CLSTN2: variants seen among roughly 807,000 people sequenced by gnomAD.
The protein encoded by CLSTN2 is calsyntenin 2.
A neutral mutation model predicts 101.2 loss-of-function variants in CLSTN2; 48 were observed. The observed-to-expected ratio is 0.47, with a 90% confidence interval of 0.38 to 0.60. The LOEUF (loss-of-function observed/expected upper bound fraction) is 0.60, where lower values mean the gene tolerates loss of function less well. Among genes scored for constraint, CLSTN2 ranks in the 20% least tolerant of loss-of-function variants. The probability of loss-of-function intolerance (pLI) is 0.00; values close to 1 mark genes in which losing one functional copy is unlikely to be tolerated. For synonymous variants in CLSTN2, 481 were observed against 463.6 expected, an observed-to-expected ratio of 1.04 and a Z score of -0.48; for missense variants, 1,160 against 1,238.2, an observed-to-expected ratio of 0.94 and a Z score of 0.95.
intron 2 of CLSTN2, among the ~76,000 whole-genome samples, chr3:140,366,239 C>T (rs962436148): frequency 5.9e-5 from 9 of 152,206 alleles, no homozygotes; most frequent in Admixed American, 3.3e-4. Context: ...AGGATTCGTG[C>T]TGGAGAAACC....
intron 1 of CLSTN2, among the ~76,000 whole-genome samples, chr3:140,120,120 C>A (rs1489552617): frequency 6.6e-6 from 1 of 152,126 alleles, no homozygotes; most frequent in Non-Finnish European, 1.5e-5. Context: ...TAGATAGTAT[C>A]AAATCCCATA....
chr3:140,505,108 C>G (rs1934661782), intron 8 of CLSTN2, among the ~76,000 whole-genome samples: 1 of 151,736 alleles, frequency 6.6e-6, no homozygotes, highest in African/African-American at 2.4e-5. Flanking sequence ...GCTGAGACAA[C>G]CTGTTGACAA....
intron 6 of CLSTN2, among the ~76,000 whole-genome samples, chr3:140,453,723 C>T (rs1386966556): frequency 1.3e-5 from 2 of 152,086 alleles, no homozygotes; most frequent in Non-Finnish European, 2.9e-5. Flanking sequence ...CATTGTATCC[C>T]ATAAATATGT....
chr3:140,058,543 T>C (rs2008139669), intron 1 of CLSTN2, among the ~76,000 whole-genome samples: 1 of 152,138 alleles, frequency 6.6e-6, no homozygotes, highest in Non-Finnish European at 1.5e-5. Context: ...GGGGGTGATA[T>C]CTTTGGGAAG....
In CLSTN2 at chr3:140,379,654, A is replaced by G. The variant is rs141973159; in HGVS notation, c.233-23975A>G. On this transcript the variant is annotated intron_variant, in intron 2 of 16. Coordinates refer to ENST00000458420, the MANE Select transcript of CLSTN2 (RefSeq NM_022131.3). ...CATCAATTTTAAAATGTGCATGCCC[A>G]GTATATCCACTTTTAGGAATTCATC... is the stretch of plus-strand genomic sequence containing the variant. Among the ~76,000 whole-genome samples the G allele has an allele frequency of 1.5e-3, 232 of 152,364 alleles. 1 individual carries two copies. Among genetic ancestry groups the G allele is most frequent in the African/African-American group, 5.4e-3 (225 of 41,592 alleles).
intron 1 of CLSTN2, among the ~76,000 whole-genome samples, chr3:140,117,645 G>A (rs2009268014): frequency 6.6e-6 from 1 of 152,116 alleles, no homozygotes; most frequent in Non-Finnish European, 1.5e-5. Flanking sequence ...TCCTTTTAAT[G>A]GAAATTGCAA....
chr3:140,516,378 T>C (rs1934917286), intron 8 of CLSTN2, among the ~76,000 whole-genome samples: 1 of 152,148 alleles, frequency 6.6e-6, no homozygotes, highest in African/African-American at 2.4e-5. Flanking sequence ...CATTCTGCTA[T>C]TTGTTGCCTG....
At chr3:140,153,805 G>T (rs1024484956) in intron 1 of CLSTN2, among the ~76,000 whole-genome samples, 9 of 152,172 alleles carry the variant, frequency 5.9e-5, no homozygotes, top group African/African-American at 2.2e-4. Flanking sequence ...GCAGCCATGG[G>T]AGGTGAGAGA....
At chr3:140,156,415 T>C (rs2009954702) in intron 1 of CLSTN2, among the ~76,000 whole-genome samples, 1 of 152,236 alleles carries the variant, frequency 6.6e-6, no homozygotes, top group African/African-American at 2.4e-5. Flanking sequence ...TAAATATTTA[T>C]TGAATTGATG....
intron 2 of CLSTN2, among the ~76,000 whole-genome samples, chr3:140,254,201 TAAGA>T (rs952566961): frequency 2.5e-4 from 38 of 152,278 alleles, no homozygotes; most frequent in African/African-American, 8.7e-4. Flanking sequence ...TAAAGAGTTA[TAAGA>T]AATAGTCAAA....
Position 140,119,787 on chromosome 3 carries a change from C to T in CLSTN2, c.110-56164C>T, listed in dbSNP as rs568792384. The stretch of plus-strand genomic sequence containing the variant: ...AAGTGCTGGGATTACAGGCATGAAC[C>T]ACTGTGCCTGGTCAGCAGTAGGGCA... On this transcript the variant is annotated intron_variant, in intron 1 of 16. Coordinates refer to ENST00000458420, the MANE Select transcript of CLSTN2 (RefSeq NM_022131.3). Among the ~76,000 whole-genome samples, 3 of 152,284 alleles carry T rather than the reference C, an allele frequency of 2.0e-5. No homozygotes were observed. The South Asian group carries it at 6.2e-4, about 32-fold the overall frequency.
intron 8 of CLSTN2, among the ~76,000 whole-genome samples, chr3:140,518,021 G>A (rs1431090577): frequency 6.6e-6 from 1 of 152,020 alleles, no homozygotes; most frequent in Non-Finnish European, 1.5e-5. Flanking sequence ...GGATGGGGTT[G>A]TTCTCAGGGG....
intron 1 of CLSTN2, among the ~76,000 whole-genome samples, chr3:139,975,277 T>TG (rs943060852): frequency 6.6e-6 from 1 of 151,600 alleles, no homozygotes; most frequent in Non-Finnish European, 1.5e-5. Context: ...TTGGGCAAAG[T>TG]GGGGGGCACT....
At chr3:140,125,767 A>C (rs1346833195) in intron 1 of CLSTN2, among the ~76,000 whole-genome samples, 4 of 152,076 alleles carry the variant, frequency 2.6e-5, no homozygotes, top group African/African-American at 9.7e-5. Context: ...TGAGTGCAGA[A>C]TCTGGCTGAA....
At chr3:140,436,288 A>G (rs575245180) in intron 5 of CLSTN2, among the ~76,000 whole-genome samples, 1 of 152,306 alleles carries the variant, frequency 6.6e-6, no homozygotes, top group Admixed American at 6.5e-5. Context: ...GTCTAGTTTC[A>G]TTCTTCTGCA....
chr3:140,499,615 C>G (rs907777129), intron 8 of CLSTN2, among the ~76,000 whole-genome samples: 1 of 152,182 alleles, frequency 6.6e-6, no homozygotes, highest in South Asian at 2.1e-4. Context: ...CAGCTCTGCT[C>G]ACTGACAGAA....
intron 2 of CLSTN2, among the ~76,000 whole-genome samples, chr3:140,229,142 G>T (rs1044503926): frequency 6.6e-6 from 1 of 152,124 alleles, no homozygotes; most frequent in African/African-American, 2.4e-5. Context: ...ATAAGCATGA[G>T]TTCCAGGATT....
chr3:140,442,542 A>G lies in CLSTN2; in HGVS notation c.788-5977A>G, dbSNP rs560894606. Among the ~76,000 whole-genome samples the G allele has an allele frequency of 3.9e-5, 6 of 152,148 alleles. No individual in the cohort carries two copies. The South Asian group carries it at 1.2e-3, about 32-fold the overall frequency. On this transcript the variant is annotated intron_variant, in intron 5 of 16. Coordinates refer to ENST00000458420, the MANE Select transcript of CLSTN2 (RefSeq NM_022131.3). ...GAATCTGTCCAGTTGCAGGGTTAACACTCTTAAATTTAACTCAATAGAATT... is the reference window on the plus strand; with the variant it reads ...GAATCTGTCCAGTTGCAGGGTTAACGCTCTTAAATTTAACTCAATAGAATT...
At chr3:140,139,480 A>G (rs141213611) in intron 1 of CLSTN2, among the ~76,000 whole-genome samples, 74 of 152,288 alleles carry the variant, frequency 4.9e-4, no homozygotes, top group African/African-American at 1.6e-3. Context: ...CTTGGGCTGC[A>G]TATTGGAATC....
Sources: gnomAD v4.1 joint callset for allele counts (sites outside exome capture counted in the v4.1 genomes callset) on GRCh38, gnomAD v4.1.1 for gene constraint, MANE v1.5 for transcripts, NCBI Gene and HGNC (gene_info 2026-07-23, HGNC 2026-07-21) for gene names.